Variants in SHC3 observed in about 807,000 individuals in gnomAD.
SHC3 encodes SHC adaptor protein 3.
Under a neutral mutation model 60.4 loss-of-function variants are expected in SHC3, and 15 were observed. That is an observed-to-expected ratio of 0.25 (90% CI 0.17 to 0.38). The LOEUF (loss-of-function observed/expected upper bound fraction) is 0.38. SHC3 is among the 10% of genes least tolerant of loss of function. SHC3 has a pLI of 1.00. For missense variants in SHC3, 677 were observed against 786.1 expected (o/e 0.86, Z 1.66); for synonymous variants, 294 against 325.9 (o/e 0.90, Z 1.05).
chr9:89,065,429 A>T (rs1825162608), intron 6 of SHC3, 100 bp downstream of exon 6: 1 of 1,250,932 alleles, frequency 8.0e-7, no homozygotes, highest in African/African-American at 1.5e-5. Context: ...GGCACTACTC[A>T]TTTGTTGGGA....
intron 1 of SHC3, among the ~76,000 whole-genome samples, chr9:89,158,715 T>A (rs888265092): frequency 6.6e-6 from 1 of 152,248 alleles, no homozygotes; most frequent in Non-Finnish European, 1.5e-5. Flanking sequence ...GATGGGTTCA[T>A]ACACATGCTT....
chr9:89,072,516 A>G (rs1825290772), intron 4 of SHC3, among the ~76,000 whole-genome samples: 1 of 152,270 alleles, frequency 6.6e-6, no homozygotes, highest in Non-Finnish European at 1.5e-5. Context: ...TAATTTATCA[A>G]TGTAAAATCC....
rs190428526 is a variant in SHC3, at chr9:89,010,883, C to T, written c.*2564G>A. ...GAAATGCTGAGTGAGCAGAAGAGCT[C>T]TGCAGCCAGATGACAACATGGCCTC... On this transcript the variant is annotated 3_prime_UTR_variant, in exon 12 of 12. Coordinates refer to ENST00000375835, the MANE Select transcript of SHC3 (RefSeq NM_016848.6). 1.6e-4 allele frequency: 25 copies of T among 152,392 alleles called. No homozygotes were observed. Among genetic ancestry groups the T allele is most frequent in the African/African-American group, 5.5e-4 (23 of 41,588 alleles). The allele number at this position is 152,392 out of a possible 1,614,324, so 9.4% of individuals were successfully genotyped here.
chr9:89,174,506 T>G (rs890980528), intron 1 of SHC3, among the ~76,000 whole-genome samples: 4 of 152,246 alleles, frequency 2.6e-5, no homozygotes, highest in Non-Finnish European at 5.9e-5. Flanking sequence ...TGGCGTAATC[T>G]GCTGGCTCAC....
chr9:89,022,655 G>A (rs1826223944), intron 11 of SHC3, among the ~76,000 whole-genome samples: 1 of 152,142 alleles, frequency 6.6e-6, no homozygotes, highest in African/African-American at 2.4e-5. Flanking sequence ...AGCATGTACA[G>A]CTACTGCGCA....
At chr9:89,067,616 G>C (rs1309054415) in intron 5 of SHC3, among the ~76,000 whole-genome samples, 3 of 152,172 alleles carry the variant, frequency 2.0e-5, no homozygotes, top group Non-Finnish European at 2.9e-5. Context: ...TACAACTGAA[G>C]TTTCTGCTTG....
intron 11 of SHC3, among the ~76,000 whole-genome samples, chr9:89,027,309 G>C (rs1377588243): frequency 7.0e-6 from 1 of 142,402 alleles, no homozygotes; most frequent in Admixed American, 6.9e-5. Flanking sequence ...TAGACAACTA[G>C]TGATGGGTGA....
At chr9:89,109,595 G>A (rs1485853076) in intron 2 of SHC3, 12 of 985,356 alleles carry the variant, frequency 1.2e-5, no homozygotes, top group East Asian at 1.1e-4. Flanking sequence ...GAGGGTGGAC[G>A]CAGTTGCGAA....
intron 2 of SHC3, among the ~76,000 whole-genome samples, chr9:89,088,280 C>T (rs147820053): frequency 1.6e-3 from 240 of 152,268 alleles, no homozygotes; most frequent in African/African-American, 5.1e-3. Context: ...TCTTTCAAGC[C>T]ACCTATGGTC....
intron 3 of SHC3, among the ~76,000 whole-genome samples, chr9:89,075,624 C>A (rs574614869): frequency 2.0e-5 from 3 of 152,164 alleles, no homozygotes; most frequent in Non-Finnish European, 2.9e-5. Flanking sequence ...GAGGAAGAGT[C>A]AAACTAACTT....
intron 5 of SHC3, among the ~76,000 whole-genome samples, chr9:89,069,390 T>A (rs1825233993): frequency 6.6e-6 from 1 of 151,988 alleles, no homozygotes; most frequent in Admixed American, 6.6e-5. Context: ...GTGTAAGAAA[T>A]TATAAGGATT....
intron 1 of SHC3, among the ~76,000 whole-genome samples, chr9:89,125,864 A>G (rs1239560425): frequency 6.6e-6 from 1 of 152,220 alleles, no homozygotes; most frequent in Non-Finnish European, 1.5e-5. Flanking sequence ...TGTTCAGCAA[A>G]TAATCAAAAA....
chr9:89,059,704 CATGGTGGAGGATGGTG>C (rs1825040986), intron 6 of SHC3, among the ~76,000 whole-genome samples: 19 of 16,954 alleles, frequency 1.1e-3, no homozygotes, highest in East Asian at 6.0e-3. Flanking sequence ...TGGTGGAGGA[CATGGTGGAGGATGGTG>C]GTGCAGGACG....
chr9:89,054,861 A>G (rs931709525), intron 6 of SHC3, among the ~76,000 whole-genome samples: 1 of 152,234 alleles, frequency 6.6e-6, no homozygotes, highest in African/African-American at 2.4e-5. Context: ...AAAAGCAGGG[A>G]TCCTTTGCTG....
rs181743494 is a variant in SHC3 at position 89,132,182 on chromosome 9, C to T, written c.475-19556G>A. Among the ~76,000 whole-genome samples the T allele has an allele frequency of 8.0e-3, 1,216 of 152,042 alleles. 8 individuals carry two copies. Among genetic ancestry groups the T allele is most frequent in the African/African-American group, 0.028 (1,176 of 41,470 alleles). On this transcript the variant is annotated intron_variant, in intron 1 of 11. Transcript: ENST00000375835. ...CAATTGCTTCAAAGAGAATAAAATA[C>T]CTAGGAATCCAACTTACAAGGTATG...
intron 5 of SHC3, among the ~76,000 whole-genome samples, chr9:89,066,340 G>A (rs943539112): frequency 6.6e-6 from 1 of 152,200 alleles, no homozygotes; most frequent in Non-Finnish European, 1.5e-5. Flanking sequence ...CCTGGTGGAT[G>A]AGATATAATG....
chr9:89,110,577 T>G (rs1241744085), intron 2 of SHC3: 2 of 604,536 alleles, frequency 3.3e-6, no homozygotes, highest in Non-Finnish European at 4.2e-6. Flanking sequence ...ATTCTGAAGT[T>G]GATTTGTCAA....
intron 11 of SHC3, among the ~76,000 whole-genome samples, chr9:89,019,470 G>A (rs1407048553): frequency 3.3e-5 from 5 of 152,124 alleles, no homozygotes; most frequent in Admixed American, 6.5e-5. Context: ...AAATGAAACT[G>A]CCTTTGTTCA....
At position 89,040,678 on chromosome 9, in the gene SHC3, G is replaced by T. The variant is rs140754269; in HGVS notation, c.1360+1348C>A. Among the ~76,000 whole-genome samples the T allele has an allele frequency of 2.9e-3, 446 of 152,338 alleles. 2 individuals carry two copies. The highest frequency in any genetic ancestry group is 0.01 in the African/African-American group (430 of 41,570). ...CTGTGCTTTGCATCTTGAAAAAGTG[G>T]CTTCACATTTCTCAAGCTGTTTTCA... is the stretch of plus-strand genomic sequence containing the variant. On this transcript the variant is annotated intron_variant, in intron 10 of 11. Transcript: ENST00000375835.
Sources: gnomAD v4.1 joint callset for allele counts (sites outside exome capture counted in the v4.1 genomes callset) on GRCh38, gnomAD v4.1.1 for gene constraint, MANE v1.5 for transcripts, NCBI Gene and HGNC (gene_info 2026-07-23, HGNC 2026-07-21) for gene names.